Variants in SLC6A6 observed in about 807,000 individuals in gnomAD.
SLC6A6 encodes sodium- and chloride-dependent taurine transporter.
A neutral mutation model predicts 68.8 loss-of-function variants in SLC6A6; 16 were observed. The ratio of observed to expected loss-of-function variants is 0.23; its 90% CI spans 0.16 to 0.35. The LOEUF (loss-of-function observed/expected upper bound fraction) is 0.35. SLC6A6 is among the 10% of genes least tolerant of loss of function. The probability of loss-of-function intolerance (pLI) is 1.00; values close to 1 mark genes in which losing one functional copy is unlikely to be tolerated. For synonymous variants in SLC6A6, 312 were observed against 315.4 expected (o/e 0.99, Z 0.12); for missense variants, 474 against 802.8 (o/e 0.59, Z 4.95).
chr3:14,446,515 T>C (rs1460249598), intron 4 of SLC6A6, among the ~76,000 whole-genome samples: 1 of 152,158 alleles, frequency 6.6e-6, no homozygotes, highest in African/African-American at 2.4e-5. Flanking sequence ...CATGCAATAT[T>C]CTTCTGTCAC....
Position 14,447,640 on chromosome 3 carries a change from C to A in SLC6A6, c.423C>A (p.Ile141=). The change falls in exon 5 of 15, where the codon ATC becomes ATA. Residue 141 remains isoleucine, a synonymous_variant. Coordinates refer to ENST00000622186, the MANE Select transcript of SLC6A6 (RefSeq NM_003043.6). ...VSLLNVYYIV[I]LAWATYYLFQ... Reference sequence around the variant, plus strand: ...TCCTGAATGTCTACTACATCGTCATCCTGGCCTGGGCCACATACTACCTGT... The same window carrying A: ...TCCTGAATGTCTACTACATCGTCATACTGGCCTGGGCCACATACTACCTGT... The A allele has an allele frequency of 6.2e-7, 1 of 1,614,256 alleles. No individual in the cohort carries two copies. Among genetic ancestry groups the A allele is most frequent in the Non-Finnish European group, 8.5e-7 (1 of 1,180,036 alleles).
chr3:14,469,016 C>T (rs1700692491), intron 9 of SLC6A6, among the ~76,000 whole-genome samples: 2 of 152,122 alleles, frequency 1.3e-5, no homozygotes, highest in Non-Finnish European at 2.9e-5. Flanking sequence ...CTCTCAGGTG[C>T]CTCGATTCTG....
intron 1 of SLC6A6, among the ~76,000 whole-genome samples, chr3:14,407,955 T>TTC (rs922137180): frequency 1.3e-5 from 2 of 151,970 alleles, no homozygotes; most frequent in Admixed American, 6.6e-5. Context: ...GGAGTTGATT[T>TTC]TTTTTTTTAT....
At chr3:14,448,221 A>G in intron 5 of SLC6A6, 2 of 371,182 alleles carry the variant, frequency 5.4e-6, no homozygotes, top group South Asian at 1.2e-4. Context: ...TTAAGTGGAA[A>G]GTGAGTAGGT....
At chr3:14,465,292 C>T (rs764784987) in intron 6 of SLC6A6, among the ~76,000 whole-genome samples, 4 of 152,210 alleles carry the variant, frequency 2.6e-5, no homozygotes, top group South Asian at 2.1e-4. Flanking sequence ...ATGGCCACAT[C>T]GTTTCTAGTC....
At chr3:14,459,883 C>CTTTTTTTTT (rs869191764) in intron 6 of SLC6A6, among the ~76,000 whole-genome samples, 184 of 40,058 alleles carry the variant, frequency 4.6e-3, no homozygotes, top group Non-Finnish European at 5.5e-3. Flanking sequence ...TAATTCTCTT[C>CTTTTTTTTT]TTTTTTTTTT....
intron 14 of SLC6A6, among the ~76,000 whole-genome samples, chr3:14,483,521 T>TC (rs1235508493): frequency 6.6e-6 from 1 of 152,000 alleles, no homozygotes; most frequent in Non-Finnish European, 1.5e-5. Flanking sequence ...CACAGCCCAT[T>TC]GTATGGATGT....
chr3:14,466,727 G>T, intron 7 of SLC6A6, 77 bp downstream of exon 7: 1 of 1,335,308 alleles, frequency 7.5e-7, no homozygotes. Flanking sequence ...GGATGTAGAG[G>T]CCACTGGCAG....
At chr3:14,439,176 T>C (rs1400607159) in intron 2 of SLC6A6, among the ~76,000 whole-genome samples, 1 of 152,256 alleles carries the variant, frequency 6.6e-6, no homozygotes, top group East Asian at 1.9e-4. Flanking sequence ...GCCTTGAGCC[T>C]CTCTCTCCTT....
At chr3:14,463,834 G>A (rs2124975356) in intron 6 of SLC6A6, among the ~76,000 whole-genome samples, 2 of 152,354 alleles carry the variant, frequency 1.3e-5, no homozygotes, top group South Asian at 4.1e-4. Context: ...GGCAGAGGCA[G>A]CAGTAGGGCC....
chr3:14,425,267 G>A (rs1201791512), intron 2 of SLC6A6, among the ~76,000 whole-genome samples: 6 of 152,180 alleles, frequency 3.9e-5, no homozygotes, highest in Admixed American at 3.9e-4. Context: ...GCTGGGAAGG[G>A]GTGCAGTGTT....
rs1701182006 is a variant in SLC6A6 at position 14,486,883 on chromosome 3, C to T, written c.*1876C>T. 1 of 152,220 alleles carries T rather than the reference C, an allele frequency of 6.6e-6. No individual in the cohort carries two copies. The highest frequency in any genetic ancestry group is 2.4e-5 in the African/African-American group (1 of 41,450). 9.4% of individuals were successfully genotyped at this position (152,220 alleles called of 1,614,324 possible). ...CAAAGCTATCTACTCTGCCAAACAA[C>T]ACCCAGTCCTATTCCAAACTCTCAA... is the stretch of plus-strand genomic sequence containing the variant. On this transcript the variant is annotated 3_prime_UTR_variant, in exon 15 of 15. Coordinates refer to ENST00000622186, the MANE Select transcript of SLC6A6 (RefSeq NM_003043.6).
chr3:14,456,768 C>T (rs937666957), intron 5 of SLC6A6, among the ~76,000 whole-genome samples: 1 of 152,134 alleles, frequency 6.6e-6, no homozygotes, highest in East Asian at 1.9e-4. Flanking sequence ...ACTCCCTGCC[C>T]CTCCTGCATG....
At chr3:14,471,128 G>A (rs1294617592) in intron 9 of SLC6A6, among the ~76,000 whole-genome samples, 6 of 76,128 alleles carry the variant, frequency 7.9e-5, no homozygotes, top group Non-Finnish European at 1.3e-4. Context: ...CCTGCTTCTT[G>A]ACTTTTTTTT....
Position 14,450,030 on chromosome 3 carries a change from G to C in SLC6A6, c.599+2214G>C, listed in dbSNP as rs760135556. Among the ~76,000 whole-genome samples, 3 of 152,304 alleles carry C rather than the reference G, an allele frequency of 2.0e-5. No individual in the cohort carries two copies. In the East Asian group the frequency reaches 5.8e-4, roughly 29 times the overall value. On this transcript the variant is annotated intron_variant, in intron 5 of 14. Coordinates refer to ENST00000622186, the MANE Select transcript of SLC6A6 (RefSeq NM_003043.6). The surrounding 1 kb of genome is among the most constrained non-coding windows in gnomAD (Gnocchi z 4.1). ...CTCCCAAAGTGCTGGGATTACAGGC[G>C]TGAGCCACTGTGCCTGGCCAGAATC... is the stretch of plus-strand genomic sequence containing the variant.
At chr3:14,421,022 T>C (rs1410509717) in intron 2 of SLC6A6, among the ~76,000 whole-genome samples, 1 of 152,228 alleles carries the variant, frequency 6.6e-6, no homozygotes, top group Non-Finnish European at 1.5e-5. Context: ...AGATGCTGCA[T>C]ACGTGTTGAT....
rs1700230683 is a variant in SLC6A6 at position 14,450,525 on chromosome 3, C to T, written c.599+2709C>T. Among the ~76,000 whole-genome samples the T allele has an allele frequency of 6.6e-6, 1 of 152,226 alleles. No homozygotes were observed. The highest frequency in any genetic ancestry group is 1.5e-5 in the Non-Finnish European group (1 of 68,040). ...TCTCACACCTCTCCTACCCCTGCACCCCTAGCCCCAGATTCCAGCAGAGCT... is the reference window on the plus strand; with the variant it reads ...TCTCACACCTCTCCTACCCCTGCACTCCTAGCCCCAGATTCCAGCAGAGCT... On this transcript the variant is annotated intron_variant, in intron 5 of 14. Transcript: ENST00000622186. This position sits in a 1 kb window ranked among gnomAD's most constrained non-coding sequence, Gnocchi z 4.1.
chr3:14,426,588 G>A (rs747694128), intron 2 of SLC6A6, among the ~76,000 whole-genome samples: 9 of 152,146 alleles, frequency 5.9e-5, no homozygotes, highest in Non-Finnish European at 1.0e-4. Flanking sequence ...ATGATTTAAG[G>A]AAAGAAAAAA....
intron 6 of SLC6A6, among the ~76,000 whole-genome samples, chr3:14,463,057 T>C (rs1239121716): frequency 2.6e-5 from 4 of 152,232 alleles, no homozygotes; most frequent in African/African-American, 7.2e-5. Context: ...CTTAACTTTT[T>C]CCTTCTGCAT....
Sources: gnomAD v4.1 joint callset for allele counts (sites outside exome capture counted in the v4.1 genomes callset) on GRCh38, gnomAD v4.1.1 for gene constraint, Gnocchi (gnomAD v3.1) non-coding constraint, MANE v1.5 for transcripts, NCBI Gene and HGNC (gene_info 2026-07-23, HGNC 2026-07-21) for gene names.